PUDP: variants seen among roughly 807,000 people sequenced by gnomAD.
PUDP encodes pseudouridine-5'-phosphatase.
In PUDP, 8 loss-of-function variants were observed where a neutral mutation model predicts 9.4. The observed-to-expected ratio is 0.85, with a 90% CI of 0.50 to 1.53. PUDP has a LOEUF of 1.53. Among genes scored for constraint, PUDP ranks in the 40% most tolerant of loss-of-function variants. The pLI is 0.00. For synonymous variants in PUDP, 99 were observed against 80.7 expected, an observed-to-expected ratio of 1.23 and a Z score of -1.22; for missense variants, 188 against 189.7, an observed-to-expected ratio of 0.99 and a Z score of 0.05.
chrX:6,911,845 G>A (rs1183674830), intron 3 of PUDP, among the ~76,000 whole-genome samples: 1 of 111,648 alleles, frequency 9.0e-6, no homozygotes, highest in Non-Finnish European at 1.9e-5. Context: ...CCACCAATGT[G>A]CAATTTTTAT....
rs775883991 is a variant in PUDP, at chrX:6,775,179, T to A, written c.*248-68713A>T. 2.7e-5 allele frequency among the ~76,000 whole-genome samples: 3 copies of A among 112,147 alleles called. No individual in the cohort carries two copies. The South Asian group carries it at 1.1e-3, about 42-fold the overall frequency. ...TCTATGGCTTTTCTTATTCTGAATA[T>A]TTCATATAAATAGAGTGATACAATA... On this transcript the variant is annotated intron_variant and NMD_transcript_variant, in intron 3 of 3. Transcript: ENST00000655425.
rs145400854 is a variant in PUDP, at chrX:6,998,871, C to T, written c.205-20528G>A. ...ATATGTTTTCAGAGAAAGATGACTA[C>T]TACGGCAAAGAACCAAAATGCAGAC... On this transcript the variant is annotated intron_variant and NMD_transcript_variant, in intron 1 of 3. Coordinates refer to the PUDP transcript ENST00000655425. Among the ~76,000 whole-genome samples the T allele has an allele frequency of 7.4e-4, 82 of 110,947 alleles. 1 individual carries two copies. The East Asian group carries it at 0.02, about 27-fold the overall frequency.
At chrX:7,039,617 A>G (rs1213868087) in intron 1 of PUDP, among the ~76,000 whole-genome samples, 2 of 112,175 alleles carry the variant, frequency 1.8e-5, no homozygotes, top group East Asian at 5.6e-4. Flanking sequence ...GAGAGGCCTC[A>G]GGAGGCACCA....
rs192503352 is a variant in PUDP at position 6,803,316 on chromosome X, G to C, written c.*248-96850C>G. Among the ~76,000 whole-genome samples the C allele has an allele frequency of 2.7e-5, 3 of 110,592 alleles. No individual in the cohort carries two copies. The Admixed American group carries it at 2.9e-4, about 11-fold the overall frequency. On this transcript the variant is annotated intron_variant and NMD_transcript_variant, in intron 3 of 3. Coordinates refer to the PUDP transcript ENST00000655425. The stretch of plus-strand genomic sequence containing the variant: ...AATAATCAGGCAATCAATGAGGAAA[G>C]CTACATTGGAAGAGGAGACAGGTTG...
At chrX:6,731,249 T>C (rs1444458374) in intron 3 of PUDP, among the ~76,000 whole-genome samples, 1 of 111,319 alleles carries the variant, frequency 9.0e-6, no homozygotes, top group East Asian at 2.8e-4. Flanking sequence ...TTCTTTTAAC[T>C]TTTTGTAGAG....
chrX:7,063,094 C>T (rs2146849830), intron 3 of PUDP, among the ~76,000 whole-genome samples: 1 of 110,785 alleles, frequency 9.0e-6, no homozygotes, highest in South Asian at 3.8e-4. Context: ...TGTACAAATG[C>T]ACATGGAACC....
At chrX:6,767,878 G>T (rs1329075336) in intron 3 of PUDP, among the ~76,000 whole-genome samples, 1 of 111,324 alleles carries the variant, frequency 9.0e-6, no homozygotes, top group Non-Finnish European at 1.9e-5. Context: ...TCAGTTCCTT[G>T]GTTCTCATCT....
chrX:6,754,286 T>C (rs1925143624), intron 3 of PUDP, among the ~76,000 whole-genome samples: 1 of 110,133 alleles, frequency 9.1e-6, no homozygotes, highest in Non-Finnish European at 1.9e-5. Context: ...CACTGTGCAC[T>C]TCTCTTGTCT....
intron 2 of PUDP, among the ~76,000 whole-genome samples, chrX:7,082,676 A>G (rs1306055747): frequency 8.9e-6 from 1 of 112,386 alleles, no homozygotes; most frequent in Non-Finnish European, 1.9e-5. Context: ...CGCTGATGCT[A>G]TCCCAGGACC....
intron 3 of PUDP, among the ~76,000 whole-genome samples, chrX:6,789,782 G>GAT (rs1925708976): frequency 5.5e-5 from 6 of 109,727 alleles, no homozygotes; most frequent in Admixed American, 2.0e-4. Flanking sequence ...GGTAGATAGA[G>GAT]AGATAGATAG....
intron 1 of PUDP, among the ~76,000 whole-genome samples, chrX:6,990,761 G>A (rs1473989218): frequency 1.8e-5 from 2 of 112,505 alleles, no homozygotes; most frequent in African/African-American, 3.2e-5. Flanking sequence ...TTCCCTTATT[G>A]AAGGAACGAA....
intron 3 of PUDP, among the ~76,000 whole-genome samples, chrX:6,901,622 C>G (rs753040110): frequency 3.0e-4 from 34 of 112,239 alleles, no homozygotes; most frequent in African/African-American, 8.7e-4. Context: ...CTCCACTCAT[C>G]TGAAAAATAG....
chrX:6,857,699 G>T (rs1204837776), intron 3 of PUDP, among the ~76,000 whole-genome samples: 2 of 111,793 alleles, frequency 1.8e-5, no homozygotes, highest in African/African-American at 6.5e-5. Context: ...CTCCTAAAGT[G>T]CTGGGATTAC....
intron 3 of PUDP, among the ~76,000 whole-genome samples, chrX:6,764,566 C>T (rs763939630): frequency 2.3e-3 from 263 of 112,016 alleles, no homozygotes; most frequent in Middle Eastern, 4.6e-3. Flanking sequence ...GTATGGCTTG[C>T]ATGTCAGAAA....
intron 1 of PUDP, among the ~76,000 whole-genome samples, chrX:6,998,917 G>A (rs1435475606): frequency 1.8e-5 from 2 of 111,307 alleles, no homozygotes; most frequent in Non-Finnish European, 3.8e-5. Flanking sequence ...GTAGGAGAAA[G>A]GGAGAGGAGG....
At chrX:7,096,336 A>G (rs187078486) in intron 2 of PUDP, among the ~76,000 whole-genome samples, 182 of 111,696 alleles carry the variant, frequency 1.6e-3, no homozygotes, top group African/African-American at 5.6e-3. Flanking sequence ...AGTGTAGGTG[A>G]GCATATCTCT....
At chrX:6,958,479 T>G (rs2146786487) in intron 3 of PUDP, among the ~76,000 whole-genome samples, 1 of 111,752 alleles carries the variant, frequency 8.9e-6, no homozygotes, top group Non-Finnish European at 1.9e-5. Context: ...CTAAGAGAAG[T>G]TACTATTTAT....
chrX:6,982,978 T>A (rs1929056124), intron 1 of PUDP, among the ~76,000 whole-genome samples: 2 of 112,124 alleles, frequency 1.8e-5, no homozygotes, highest in Admixed American at 1.9e-4. Context: ...GGTCCATCCA[T>A]ACAATGGAAT....
intron 3 of PUDP, among the ~76,000 whole-genome samples, chrX:6,931,104 C>T (rs1223213441): frequency 1.8e-5 from 2 of 111,365 alleles, no homozygotes; most frequent in Admixed American, 1.9e-4. Flanking sequence ...AATAGTAGTC[C>T]CAAGAAAGAG....
Sources: gnomAD v4.1 joint callset for allele counts (sites outside exome capture counted in the v4.1 genomes callset) on GRCh38, gnomAD v4.1.1 for gene constraint, MANE v1.5 for transcripts, NCBI Gene and HGNC (gene_info 2026-07-23, HGNC 2026-07-21) for gene names.